Variants in SYT16 observed in about 807,000 individuals in gnomAD.
SYT16 encodes the protein synaptotagmin 16.
In SYT16, 42 loss-of-function variants were observed where a neutral mutation model predicts 61.4. The ratio of observed to expected loss-of-function variants is 0.68; its 90% CI spans 0.53 to 0.89. The LOEUF (loss-of-function observed/expected upper bound fraction) is 0.89, where lower values mean the gene tolerates loss of function less well. Among genes scored for constraint, SYT16 ranks in the 40% least tolerant of loss-of-function variants. The pLI is 0.00. For synonymous variants in SYT16, 314 were observed against 302.3 expected (o/e 1.04, Z -0.40); for missense variants, 804 against 807.3 (o/e 1.00, Z 0.05).
intron 1 of SYT16, among the ~76,000 whole-genome samples, chr14:61,858,341 G>A (rs1056455983): frequency 6.6e-6 from 1 of 151,906 alleles, no homozygotes; most frequent in Non-Finnish European, 1.5e-5. Context: ...TAATTCATAT[G>A]CTCAATGTTA....
intron 1 of SYT16, among the ~76,000 whole-genome samples, chr14:61,920,186 C>A (rs976044253): frequency 6.6e-6 from 1 of 152,180 alleles, no homozygotes; most frequent in Non-Finnish European, 1.5e-5. Flanking sequence ...TCCTCCTACC[C>A]TTTTATTTTC....
At chr14:62,002,939 G>A (rs1022695072) in intron 3 of SYT16, among the ~76,000 whole-genome samples, 2 of 152,092 alleles carry the variant, frequency 1.3e-5, no homozygotes, top group Non-Finnish European at 1.5e-5. Flanking sequence ...AATGAGAGCT[G>A]AGTAAAGGGG....
intron 1 of SYT16, among the ~76,000 whole-genome samples, chr14:61,904,126 C>A (rs2048618403): frequency 6.6e-6 from 1 of 152,192 alleles, no homozygotes; most frequent in African/African-American, 2.4e-5. Flanking sequence ...TGTCATTAAC[C>A]AATAACCTCT....
intron 5 of SYT16, chr14:62,079,491 G>T (rs2056629265): frequency 1.0e-5 from 4 of 393,128 alleles, no homozygotes; most frequent in Non-Finnish European, 1.6e-5. Context: ...GACTTGCCCA[G>T]TGTCATAGAG....
intron 2 of SYT16, among the ~76,000 whole-genome samples, chr14:61,993,970 G>T (rs1157004259): frequency 1.3e-5 from 2 of 152,156 alleles, no homozygotes; most frequent in Non-Finnish European, 2.9e-5. Flanking sequence ...TCTAGAGCAG[G>T]AGACAGGTGT....
chr14:61,913,317 G>A (rs1216540839), intron 1 of SYT16, among the ~76,000 whole-genome samples: 1 of 152,148 alleles, frequency 6.6e-6, no homozygotes, highest in African/African-American at 2.4e-5. Flanking sequence ...TGAATGATGG[G>A]TTCTGGAAAT....
At chr14:61,907,085 T>C (rs1212689928) in intron 1 of SYT16, among the ~76,000 whole-genome samples, 2 of 152,260 alleles carry the variant, frequency 1.3e-5, no homozygotes, top group Admixed American at 6.5e-5. Context: ...CCCTTTGTCA[T>C]TGCAACTGAA....
chr14:61,900,683 G>A (rs2048482398), intron 1 of SYT16, among the ~76,000 whole-genome samples: 1 of 152,154 alleles, frequency 6.6e-6, no homozygotes, highest in Admixed American at 6.5e-5. Flanking sequence ...CTTGAGGCAG[G>A]AATTGCTCAA....
chr14:61,853,735 C>T (rs527267312), intron 1 of SYT16, among the ~76,000 whole-genome samples: 3 of 152,194 alleles, frequency 2.0e-5, no homozygotes, highest in Non-Finnish European at 4.4e-5. Context: ...AAGACACTTA[C>T]ATGTTGCAAA....
intron 1 of SYT16, among the ~76,000 whole-genome samples, chr14:61,918,066 C>T (rs1490155767): frequency 6.6e-6 from 1 of 152,114 alleles, no homozygotes; most frequent in African/African-American, 2.4e-5. Flanking sequence ...TGGAGCACTT[C>T]AGATTTTTGA....
intron 7 of SYT16, among the ~76,000 whole-genome samples, chr14:62,088,477 A>G (rs7142323): frequency 0.27 from 41,519 of 152,038 alleles, 7,599 homozygotes; most frequent in African/African-American, 0.52. Flanking sequence ...ATGTTCTGGG[A>G]TGATGGGAAT....
At chr14:62,013,983 TG>T (rs2053568894) in intron 3 of SYT16, among the ~76,000 whole-genome samples, 2 of 151,950 alleles carry the variant, frequency 1.3e-5, no homozygotes, top group African/African-American at 4.8e-5. Flanking sequence ...AAAAAATTGT[TG>T]ACTATTCCCC....
At position 61,964,278 on chromosome 14, in the gene SYT16, T is replaced by G. The variant is rs2051222544; in HGVS notation, c.-324-5854T>G. On this transcript the variant is annotated intron_variant, in intron 1 of 7. Coordinates refer to ENST00000683842, the MANE Select transcript of SYT16 (RefSeq NM_001367656.1). ...AAACATTTGGAAAGGTTCACCATTC[T>G]AGATGCTATTAAGGACATTTATGAT... Among the ~76,000 whole-genome samples, 2 of 152,208 alleles carry G rather than the reference T, an allele frequency of 1.3e-5. 1 individual carries two copies. The highest frequency in any genetic ancestry group is 4.1e-4 in the South Asian group (2 of 4,834).
At chr14:62,033,260 C>G (rs1410329536) in intron 3 of SYT16, among the ~76,000 whole-genome samples, 2 of 151,846 alleles carry the variant, frequency 1.3e-5, no homozygotes, top group Non-Finnish European at 2.9e-5. Flanking sequence ...TGAATGAAAT[C>G]AACTGCATTT....
At chr14:62,089,806 G>C (rs1353097674) in intron 7 of SYT16, among the ~76,000 whole-genome samples, 2 of 152,162 alleles carry the variant, frequency 1.3e-5, no homozygotes, top group Non-Finnish European at 2.9e-5. Flanking sequence ...CCTGGCTAAT[G>C]GTCCAGATGA....
At chr14:61,877,933 A>G (rs2047557229) in intron 1 of SYT16, among the ~76,000 whole-genome samples, 1 of 152,206 alleles carries the variant, frequency 6.6e-6, no homozygotes, top group African/African-American at 2.4e-5. Context: ...GCAGGGTGAT[A>G]AGAGCAGAAT....
intron 2 of SYT16, among the ~76,000 whole-genome samples, chr14:61,981,978 C>T (rs561649218): frequency 9.9e-5 from 15 of 152,254 alleles, no homozygotes; most frequent in Non-Finnish European, 1.8e-4. Flanking sequence ...AGTTTGAGAG[C>T]TCCCTAAACA....
chr14:61,984,702 A>C (rs2052228471), intron 2 of SYT16, among the ~76,000 whole-genome samples: 1 of 152,196 alleles, frequency 6.6e-6, no homozygotes, highest in Non-Finnish European at 1.5e-5. Context: ...AAAGCAACAG[A>C]CAGGCATTGT....
At chr14:62,051,095 T>G (rs28835881) in intron 3 of SYT16, among the ~76,000 whole-genome samples, 9,241 of 152,328 alleles carry the variant, frequency 0.061, 696 homozygotes, top group African/African-American at 0.18. Flanking sequence ...CAGGCAGGCC[T>G]CCTTGAGCTG....
Sources: gnomAD v4.1 joint callset for allele counts (sites outside exome capture counted in the v4.1 genomes callset) on GRCh38, gnomAD v4.1.1 for gene constraint, MANE v1.5 for transcripts, NCBI Gene and HGNC (gene_info 2026-07-23, HGNC 2026-07-21) for gene names.